The following GALNTL6 variants were observed in gnomAD, a reference collection of about 807,000 sequenced individuals.
GALNTL6 encodes the protein polypeptide N-acetylgalactosaminyltransferase-like 6.
In GALNTL6, 46 loss-of-function variants were observed where a neutral mutation model predicts 73.7. The observed-to-expected ratio is 0.62, with a 90% CI of 0.49 to 0.80. The LOEUF (loss-of-function observed/expected upper bound fraction) is 0.80, where lower values mean the gene tolerates loss of function less well. GALNTL6 is among the 30% of genes least tolerant of loss of function. The pLI, the probability that GALNTL6 is intolerant of heterozygous loss-of-function variation, is 0.00. For missense variants in GALNTL6, 604 were observed against 755.0 expected, an observed-to-expected ratio of 0.80 and a Z score of 2.34; for synonymous variants, 259 against 263.7, an observed-to-expected ratio of 0.98 and a Z score of 0.17.
chr4:172,780,468 A>G (rs1358838781), intron 5 of GALNTL6, among the ~76,000 whole-genome samples: 1 of 152,204 alleles, frequency 6.6e-6, no homozygotes, highest in African/African-American at 2.4e-5. Flanking sequence ...CACAGTATTA[A>G]AATCACAGTT....
intron 2 of GALNTL6, among the ~76,000 whole-genome samples, chr4:172,185,496 T>C (rs546565787): frequency 5.3e-5 from 8 of 152,316 alleles, no homozygotes; most frequent in African/African-American, 1.7e-4. Flanking sequence ...TTTATTTTTA[T>C]AATTTGTCCA....
At chr4:172,346,785 T>C (rs1741755947) in intron 4 of GALNTL6, among the ~76,000 whole-genome samples, 1 of 152,104 alleles carries the variant, frequency 6.6e-6, no homozygotes, top group Non-Finnish European at 1.5e-5. Flanking sequence ...AATGGATCCT[T>C]TTATATTTCA....
At chr4:172,152,009 C>G (rs886571037) in intron 2 of GALNTL6, among the ~76,000 whole-genome samples, 5 of 151,572 alleles carry the variant, frequency 3.3e-5, no homozygotes, top group Admixed American at 6.6e-5. Context: ...CTGCGTCTCT[C>G]TCTGTCATCC....
At chr4:172,853,534 G>C (rs1005352189) in intron 7 of GALNTL6, among the ~76,000 whole-genome samples, 3 of 152,068 alleles carry the variant, frequency 2.0e-5, no homozygotes, top group African/African-American at 7.2e-5. Flanking sequence ...CCAGGCTTTC[G>C]TACTGATTCT....
intron 12 of GALNTL6, among the ~76,000 whole-genome samples, chr4:173,023,308 C>A (rs1235182541): frequency 6.6e-6 from 1 of 152,184 alleles, no homozygotes; most frequent in East Asian, 1.9e-4. Context: ...GTTTATTCTG[C>A]ATCCCACCCC....
chr4:172,224,033 T>C (rs1446086542), intron 2 of GALNTL6, among the ~76,000 whole-genome samples: 1 of 152,186 alleles, frequency 6.6e-6, no homozygotes, highest in African/African-American at 2.4e-5. Context: ...ACATAATTTA[T>C]TATTTGTTTA....
At chr4:171,825,785 C>A (rs555737276) in intron 2 of GALNTL6, among the ~76,000 whole-genome samples, 1 of 152,198 alleles carries the variant, frequency 6.6e-6, no homozygotes, top group African/African-American at 2.4e-5. Context: ...CAATTATTAG[C>A]CCGATGAATA....
intron 7 of GALNTL6, among the ~76,000 whole-genome samples, chr4:172,842,267 G>A (rs1327717051): frequency 6.6e-6 from 1 of 152,108 alleles, no homozygotes; most frequent in Non-Finnish European, 1.5e-5. Flanking sequence ...TTTTCATTGT[G>A]CCACCTTAGC....
At chr4:171,886,389 A>G (rs1578941565) in intron 2 of GALNTL6, among the ~76,000 whole-genome samples, 1 of 152,224 alleles carries the variant, frequency 6.6e-6, no homozygotes, top group African/African-American at 2.4e-5. Flanking sequence ...GACATTTTGT[A>G]AAACTTACTA....
At chr4:171,953,225 CGTGTGTGTGTGTGTGTGTGTGTGT>C (rs36214606) in intron 2 of GALNTL6, among the ~76,000 whole-genome samples, 2 of 147,024 alleles carry the variant, frequency 1.4e-5, no homozygotes, top group Non-Finnish European at 3.0e-5. Flanking sequence ...CGCATGCGCA[CGTGTGTGTGTGTGTGTGTGTGTGT>C]GTGTGTGTGT....
At chr4:172,383,493 T>C (rs1166311352) in intron 5 of GALNTL6, among the ~76,000 whole-genome samples, 2 of 152,160 alleles carry the variant, frequency 1.3e-5, no homozygotes, top group East Asian at 3.9e-4. Context: ...GTTCTAATTT[T>C]TGTGTGAAAT....
chr4:171,938,565 G>A lies in GALNTL6; in HGVS notation c.138+123847G>A, dbSNP rs182504485. Among the ~76,000 whole-genome samples, 1,141 of 152,194 alleles carry A rather than the reference G, an allele frequency of 7.5e-3. 19 individuals carry two copies. Among genetic ancestry groups the A allele is most frequent in the African/African-American group, 0.026 (1,072 of 41,526 alleles). ...TCATCTGTGTAAGTGTGAATTAAAA[G>A]CAATGTTGAATAAATATAACCTGCA... On this transcript the variant is annotated intron_variant, in intron 2 of 12. Coordinates refer to ENST00000506823, the MANE Select transcript of GALNTL6 (RefSeq NM_001034845.3).
intron 2 of GALNTL6, among the ~76,000 whole-genome samples, chr4:172,211,013 T>C (rs1736305726): frequency 6.6e-6 from 1 of 152,236 alleles, no homozygotes; most frequent in African/African-American, 2.4e-5. Flanking sequence ...ATTTGAAAGC[T>C]CTTTCAGTTG....
At chr4:171,922,828 G>A (rs1055366225) in intron 2 of GALNTL6, among the ~76,000 whole-genome samples, 4 of 151,714 alleles carry the variant, frequency 2.6e-5, no homozygotes, top group African/African-American at 9.7e-5. Context: ...ATTTAATATA[G>A]ACCTCCTTTT....
At chr4:172,662,251 A>C (rs546150578) in intron 5 of GALNTL6, among the ~76,000 whole-genome samples, 75 of 152,310 alleles carry the variant, frequency 4.9e-4, no homozygotes, top group African/African-American at 1.8e-3. Context: ...TGGGCTTCAC[A>C]GTGACTATGA....
chr4:173,022,141 A>AGG (rs1579793869), intron 12 of GALNTL6, among the ~76,000 whole-genome samples: 5 of 148,030 alleles, frequency 3.4e-5, no homozygotes, highest in South Asian at 2.2e-4. Context: ...GAAGGAAGGA[A>AGG]AAGAGAGAGA....
intron 2 of GALNTL6, among the ~76,000 whole-genome samples, chr4:171,898,365 A>C (rs1736987943): frequency 1.3e-5 from 2 of 152,196 alleles, no homozygotes; most frequent in South Asian, 4.1e-4. Context: ...GTATCTACCC[A>C]AGAGAAATGA....
rs1738014595 is a variant in GALNTL6, at chr4:172,254,762, C to T, written c.247+24998C>T. ...CAAGAGAAGACATAAATATTATCAA[C>T]TCCATGTAAGTCTGGCACCTGTTAA... is the stretch of plus-strand genomic sequence containing the variant. On this transcript the variant is annotated intron_variant, in intron 3 of 12. Transcript: ENST00000506823. 2.0e-5 allele frequency among the ~76,000 whole-genome samples: 3 copies of T among 151,670 alleles called. No individual in the cohort carries two copies. The South Asian group carries it at 6.2e-4, about 31-fold the overall frequency.
At chr4:172,706,820 G>A (rs1734384117) in intron 5 of GALNTL6, among the ~76,000 whole-genome samples, 1 of 152,168 alleles carries the variant, frequency 6.6e-6, no homozygotes, top group Non-Finnish European at 1.5e-5. Context: ...TGACAGCATA[G>A]TGGTCATGTA....
Sources: allele counts gnomAD v4.1 joint callset (sites outside exome capture counted in the v4.1 genomes callset), GRCh38; gene constraint gnomAD v4.1.1; transcripts MANE v1.5; gene names NCBI Gene and HGNC (gene_info 2026-07-23, HGNC 2026-07-21).